The following DCHS1 variants were observed in gnomAD, a reference collection of about 807,000 sequenced individuals.
DCHS1 encodes the protein dachsous cadherin-related 1.
A neutral mutation model predicts 213.9 loss-of-function variants in DCHS1; 78 were observed. The observed-to-expected ratio is 0.36, with a 90% CI of 0.30 to 0.44. DCHS1 has a LOEUF of 0.44. Ranked by LOEUF, DCHS1 falls within the 20% of genes least tolerant of loss-of-function variation. DCHS1 has a pLI of 1.00. For missense variants in DCHS1, 3,946 were observed against 4,395.9 expected (o/e 0.90, Z 2.89); for synonymous variants, 1,828 against 1,873.7 (o/e 0.98, Z 0.63).
At position 6,640,194 on chromosome 11, in the gene DCHS1, G is replaced by A. The variant is rs117390152; in HGVS notation, c.1420C>T (p.Arg474Cys). The A allele has an allele frequency of 2.9e-4, 462 of 1,613,596 alleles. 1 individual carries two copies. In the East Asian group the frequency reaches 6.6e-3, roughly 23 times the overall value. Residue 474 changes from arginine to cysteine, a missense_variant, in exon 2 of 21, where the codon CGC (arginine) becomes TGC (cysteine). Physicochemically the swap from Arg to Cys is radical, Grantham distance 180. Around this residue, in one of 3 missense-constraint regions of DCHS1, gnomAD observed 3,384 missense variants for 3,780.1 expected, o/e 0.90. Coordinates refer to ENST00000299441, the MANE Select transcript of DCHS1 (RefSeq NM_003737.4). The surrounding 1 kb of genome is among the most constrained non-coding windows in gnomAD (Gnocchi z 6.5). ...AGGGGCTCAGGTCGGTAGAGCTGGC[G>A]GTCAAAGGCAGGTGCATTGTCGTTG... is the stretch of plus-strand genomic sequence containing the variant. ...DVNDNAPAFD[R>C]QLYRPEPLPE...
rs766288089 is a variant in DCHS1, at chr11:6,622,348, C to T, written c.9328G>A (p.Glu3110Lys). 6.3e-7 allele frequency: 1 copy of T among 1,593,778 alleles called. No individual in the cohort carries two copies. The highest frequency in any genetic ancestry group is 8.5e-7 in the Non-Finnish European group (1 of 1,170,512). ...PGAGATLYRE[E>K]GPPATATAFL... Reference sequence around the variant, plus strand: ...GCTGTGGCAGTGGCTGGGGGCCCCTCCTCTCTGTAGAGAGTGGCTCCTGCA... The same window carrying T: ...GCTGTGGCAGTGGCTGGGGGCCCCTTCTCTCTGTAGAGAGTGGCTCCTGCA... The change falls in exon 21 of 21, where the codon GAG becomes AAG. Residue 3110 changes from glutamate to lysine, a missense_variant. Coordinates refer to ENST00000299441, the MANE Select transcript of DCHS1 (RefSeq NM_003737.4). The surrounding 1 kb of genome is among the most constrained non-coding windows in gnomAD (Gnocchi z 5.4).
rs1210171710 is a variant in DCHS1 at position 6,632,333 on chromosome 11, A to C, written c.3179T>G (p.Leu1060Arg). 1 of 1,613,922 alleles carries C rather than the reference A, an allele frequency of 6.2e-7. No individual in the cohort carries two copies. Among genetic ancestry groups the C allele is most frequent in the South Asian group, 1.1e-5 (1 of 91,084 alleles). The change falls in exon 6 of 21, where the codon CTA (leucine) becomes CGA (arginine). Residue 1060 changes from leucine to arginine, a missense_variant. Physicochemically the swap from Leu to Arg is moderately radical, Grantham distance 102. Around this residue, in one of 3 missense-constraint regions of DCHS1, gnomAD observed 3,384 missense variants for 3,780.1 expected, o/e 0.90. Transcript: ENST00000299441. The surrounding 1 kb of genome is among the most constrained non-coding windows in gnomAD (Gnocchi z 5.9). Reference sequence around the variant, plus strand: ...GTACAATTCCTGGGCCTCACGGTCTAGTGCTGCCCGCACCCATAGCCACCC... The same window carrying C: ...GTACAATTCCTGGGCCTCACGGTCTCGTGCTGCCCGCACCCATAGCCACCC... ...QSGWLWVRAALDREAQELYIL... is the reference protein window; with the variant it reads ...QSGWLWVRAARDREAQELYIL...
rs2134614409 is a variant in DCHS1, at chr11:6,624,829, G to A, written c.7186C>T (p.Leu2396Phe). ...LEHTPPGSAI[L>F]SVSATDRDSG... Reference sequence around the variant, plus strand: ...TCCCGATCAGTGGCAGAGACGGAGAGAATGGCACTGCCTGGGGGTGTGTGC... The same window carrying A: ...TCCCGATCAGTGGCAGAGACGGAGAAAATGGCACTGCCTGGGGGTGTGTGC... Residue 2396 changes from leucine (L) to phenylalanine (F), a missense_variant, in exon 20 of 21, where the codon CTC becomes TTC. This residue lies in a region of DCHS1 where 3,384 missense variants were observed against 3,780.1 expected (regional missense o/e 0.90). Transcript: ENST00000299441. 1.9e-6 allele frequency: 3 copies of A among 1,613,934 alleles called. No individual in the cohort carries two copies. The highest frequency in any genetic ancestry group is 1.7e-6 in the Non-Finnish European group (2 of 1,179,866).
Position 6,631,655 on chromosome 11 carries a change from C to T in DCHS1, c.3636G>A (p.Leu1212=). 1.2e-6 allele frequency: 2 copies of T among 1,600,868 alleles called. No homozygotes were observed. The highest frequency in any genetic ancestry group is 1.7e-6 in the Non-Finnish European group (2 of 1,173,378). ...LDLNDNSPTF[L]QASGAAGGGL... ...CCCCACCAGCAGCTCCTGAAGCCTG[C>T]AGGAACGTGGGGCTGTTGTCGTTGA... Residue 1212 remains leucine, a synonymous_variant, in exon 7 of 21, where the codon CTG becomes CTA. Transcript: ENST00000299441.
chr11:6,643,143 A>G (rs1367533471), intron 1 of DCHS1, among the ~76,000 whole-genome samples: 1 of 151,950 alleles, frequency 6.6e-6, no homozygotes, highest in Non-Finnish European at 1.5e-5. Flanking sequence ...AGTCTAAGGG[A>G]GGTTTCAAAT....
In DCHS1 at chr11:6,641,659, G is replaced by T; in HGVS notation, c.-46C>A. 6.7e-7 allele frequency: 1 copy of T among 1,494,672 alleles called. No individual in the cohort carries two copies. 92.6% of individuals were successfully genotyped at this position (1,494,672 alleles called of 1,614,324 possible). A position where few individuals can be genotyped will look rare whatever the true frequency, so the allele number is the denominator to read the frequency against. On this transcript the variant is annotated 5_prime_UTR_variant, in exon 2 of 21. Transcript: ENST00000299441. This position sits in a 1 kb window ranked among gnomAD's most constrained non-coding sequence, Gnocchi z 7.1. ...GCCTTGGGCTCCAGCTCCAGGCCAG[G>T]CTCTGGGCCCAGCTTGACCTCAGAC...
Position 6,641,452 on chromosome 11 carries a change from C to T in DCHS1, c.162G>A (p.Glu54=). Residue 54 remains glutamate (E), a synonymous_variant, in exon 2 of 21, where the codon GAG becomes GAA. Transcript: ENST00000299441. The surrounding 1 kb of genome is among the most constrained non-coding windows in gnomAD (Gnocchi z 7.1). ...AGSLDLQIDE[E]QPAGTLIGDI... is the part of the protein sequence containing the mutation. ...CGCCAATCAGTGTACCCGCTGGCTG[C>T]TCCTCATCAATCTGCAAGTCCAGGC... is the stretch of plus-strand genomic sequence containing the variant. 2.5e-6 allele frequency: 4 copies of T among 1,601,428 alleles called. No individual in the cohort carries two copies. Among genetic ancestry groups the T allele is most frequent in the Non-Finnish European group, 3.4e-6 (4 of 1,174,544 alleles).
rs1855912219 is a variant in DCHS1, at chr11:6,631,775, C to T, written c.3516G>A (p.Glu1172=). 1 of 1,572,874 alleles carries T rather than the reference C, an allele frequency of 6.4e-7. No homozygotes were observed. The highest frequency in any genetic ancestry group is 8.6e-7 in the Non-Finnish European group (1 of 1,160,536). ...CCAGGAGCTGATAGCTGCTCTGCTG[C>T]TCACGGTCCAGGGTTTGGAGTGTGG... ...EVTTLQTLDR[E]QQSSYQLLVQ... The change falls in exon 7 of 21, where the codon GAG becomes GAA. Residue 1172 remains glutamate (E), a synonymous_variant. Coordinates refer to ENST00000299441, the MANE Select transcript of DCHS1 (RefSeq NM_003737.4).
intron 1 of DCHS1, among the ~76,000 whole-genome samples, chr11:6,650,494 A>G (rs908821138): frequency 2.6e-5 from 4 of 152,232 alleles, no homozygotes; most frequent in Admixed American, 2.0e-4. Flanking sequence ...AGCAGATACC[A>G]GGGCATCAGA....
Position 6,633,613 on chromosome 11 carries a change from C to G in DCHS1, c.2254G>C (p.Ala752Pro), listed in dbSNP as rs1855945845. The part of the protein sequence containing the change: ...LTVAWPLARR[A>P]NSVVQLEIGA... ...ATCTCCAGCTGCACCACAGAATTGG[C>G]CCGTCTGGCCAAGGGCCAGGCTACT... The change falls in exon 5 of 21, where the codon GCC (alanine) becomes CCC (proline). Residue 752 changes from alanine (A) to proline (P), a missense_variant. This residue lies in a region of DCHS1 where 3,384 missense variants were observed against 3,780.1 expected (regional missense o/e 0.90). Coordinates refer to ENST00000299441, the MANE Select transcript of DCHS1 (RefSeq NM_003737.4). 1 of 1,598,590 alleles carries G rather than the reference C, an allele frequency of 6.3e-7. No homozygotes were observed. The highest frequency in any genetic ancestry group is 8.5e-7 in the Non-Finnish European group (1 of 1,172,404).
rs774550479 is a variant in DCHS1 at position 6,627,319 on chromosome 11, C to G, written c.5720G>C (p.Ser1907Thr). 2 of 1,610,816 alleles carry G rather than the reference C, an allele frequency of 1.2e-6. No homozygotes were observed. Among genetic ancestry groups the G allele is most frequent in the African/African-American group, 1.3e-5 (1 of 74,868 alleles). Residue 1907 changes from serine to threonine, a missense_variant, in exon 14 of 21, where the codon AGC (serine) becomes ACC (threonine). Ser to Thr is a moderately conservative substitution (Grantham distance 58). Coordinates refer to ENST00000299441, the MANE Select transcript of DCHS1 (RefSeq NM_003737.4). This position sits in a 1 kb window ranked among gnomAD's most constrained non-coding sequence, Gnocchi z 5.4. ...TGCAGCTGTGCGCAGTTCTCCAGAG[C>G]TGGGCTCCAGCAGGAAGGCTCCTGC... is the stretch of plus-strand genomic sequence containing the variant. ...GTAGAFLLEP[S>T]SGELRTAAAL... is the part of the protein sequence containing the mutation.
intron 1 of DCHS1, among the ~76,000 whole-genome samples, chr11:6,654,824 G>T (rs113112845): frequency 6.6e-6 from 1 of 152,002 alleles, no homozygotes; most frequent in East Asian, 1.9e-4. Flanking sequence ...GGCCCAGCCC[G>T]CCACACTGAG....
chr11:6,634,884 T>C (rs1855966614), intron 2 of DCHS1: 1 of 152,234 alleles, frequency 6.6e-6, no homozygotes, highest in Non-Finnish European at 1.5e-5. Flanking sequence ...GTGCTGGGAA[T>C]GTGAACATTA....
chr11:6,622,972 C>T lies in DCHS1; in HGVS notation c.8704G>A (p.Val2902Met). 1 of 1,573,838 alleles carries T rather than the reference C, an allele frequency of 6.4e-7. No individual in the cohort carries two copies. The highest frequency in any genetic ancestry group is 8.6e-7 in the Non-Finnish European group (1 of 1,160,182). The change falls in exon 21 of 21, where the codon GTG (valine) becomes ATG (methionine). Residue 2902 changes from valine to methionine, a missense_variant. By Grantham distance (21) the Val-to-Met change is conservative. Around this residue, in one of 3 missense-constraint regions of DCHS1, gnomAD observed 554 missense variants for 590.2 expected, o/e 0.94. Coordinates refer to ENST00000299441, the MANE Select transcript of DCHS1 (RefSeq NM_003737.4). This position sits in a 1 kb window ranked among gnomAD's most constrained non-coding sequence, Gnocchi z 5.4. ...CCAGGCAGAGGCCCCCGTGCTATCA[C>T]CTCCAGCCTCAGCTCCCGTGGTGCT... ...REAPRELRLEVIARGPLPGSR... is the reference protein window; with the variant it reads ...REAPRELRLEMIARGPLPGSR...
At position 6,633,044 on chromosome 11, in the gene DCHS1, G is replaced by A. The variant is rs777910665; in HGVS notation, c.2468C>T (p.Pro823Leu). Reference sequence around the variant, plus strand: ...CCCACCTGATAGGGAAAGGGTCACAGGTGCCAAGCGACCTAGGGAGGATGA... The same window carrying A: ...CCCACCTGATAGGGAAAGGGTCACAAGTGCCAAGCGACCTAGGGAGGATGA... ...QAHNPPGRLA[P>L]VTLSLSGGDP... The change falls in exon 6 of 21, where the codon CCT becomes CTT. Residue 823 changes from proline to leucine, a missense_variant. Coordinates refer to ENST00000299441, the MANE Select transcript of DCHS1 (RefSeq NM_003737.4). 23 of 1,605,026 alleles carry A rather than the reference G, an allele frequency of 1.4e-5. No homozygotes were observed. In the South Asian group the frequency reaches 2.2e-4, roughly 15 times the overall value.
At position 6,625,309 on chromosome 11, in the gene DCHS1, G is replaced by A. The variant is rs759063650; in HGVS notation, c.7035C>T (p.Tyr2345=). The A allele has an allele frequency of 2.5e-6, 4 of 1,613,856 alleles. No individual in the cohort carries two copies. Among genetic ancestry groups the A allele is most frequent in the Non-Finnish European group, 3.4e-6 (4 of 1,179,878 alleles). The change falls in exon 19 of 21, where the codon TAC becomes TAT. Residue 2345 remains tyrosine (Y), a synonymous_variant. Transcript: ENST00000299441. The surrounding 1 kb of genome is among the most constrained non-coding windows in gnomAD (Gnocchi z 5.3). ...CATCATGTGCCAGCAGCTGCAGCTG[G>A]TAGCGGTCACACTGCTCAAAGTCCA... ...GPLDFEQCDR[Y]QLQLLAHDGP...
In DCHS1 at chr11:6,624,848, T is replaced by G. The variant is rs1187850696; in HGVS notation, c.7167A>C (p.Thr2389=). 5 of 1,613,430 alleles carry G rather than the reference T, an allele frequency of 3.1e-6. No individual in the cohort carries two copies. The highest frequency in any genetic ancestry group is 1.7e-5 in the Admixed American group (1 of 59,960). The change falls in exon 20 of 21, where the codon ACA becomes ACC. Residue 2389 remains threonine, a synonymous_variant. Transcript: ENST00000299441. ...CGGAGAGAATGGCACTGCCTGGGGG[T>G]GTGTGCTCAAGCAGCATTACCTGAA... ...SLYQVMLLEH[T]PPGSAILSVS... is the part of the protein sequence containing the mutation.
At chr11:6,636,867 A>C (rs537956640) in intron 2 of DCHS1, among the ~76,000 whole-genome samples, 5 of 152,260 alleles carry the variant, frequency 3.3e-5, no homozygotes, top group African/African-American at 1.2e-4. Context: ...GAGATTTCCC[A>C]ACTTTTACAT....
At position 6,630,116 on chromosome 11, in the gene DCHS1, G is replaced by A. The variant is rs1430318803; in HGVS notation, c.4678C>T (p.Pro1560Ser). 3.7e-6 allele frequency: 6 copies of A among 1,604,384 alleles called. No homozygotes were observed. The highest frequency in any genetic ancestry group is 1.7e-5 in the Admixed American group (1 of 59,156). Residue 1560 changes from proline to serine, a missense_variant, in exon 10 of 21, where the codon CCT (proline) becomes TCT (serine). Around this residue, in one of 3 missense-constraint regions of DCHS1, gnomAD observed 3,384 missense variants for 3,780.1 expected, o/e 0.90. Transcript: ENST00000299441. ...ACCACGTGCAGGGCCGCGGGCCCAG[G>A]CGGCTGGTCCTCTGGGAGGCGCACG... ...SRVRLPEDQPPGPAALHVVAR... is the reference protein window; with the variant it reads ...SRVRLPEDQPSGPAALHVVAR...
Sources: gnomAD v4.1 joint callset for allele counts (sites outside exome capture counted in the v4.1 genomes callset) on GRCh38, gnomAD v4.1.1 for gene constraint, gnomAD v4.1.1 regional missense constraint, Gnocchi (gnomAD v3.1) non-coding constraint, MANE v1.5 for transcripts, NCBI Gene and HGNC (gene_info 2026-07-23, HGNC 2026-07-21) for gene names.